BAHCC1: variants seen among roughly 807,000 people sequenced by gnomAD.
BAHCC1 encodes the protein BAH domain and coiled-coil containing 1.
In BAHCC1, 43 loss-of-function variants were observed where a neutral mutation model predicts 88.2. That is an observed-to-expected ratio of 0.49 (90% confidence interval 0.38 to 0.63). The LOEUF (loss-of-function observed/expected upper bound fraction) is 0.63. Ranked by LOEUF, BAHCC1 falls within the 20% of genes least tolerant of loss-of-function variation. BAHCC1 has a pLI of 0.00. For missense variants in BAHCC1, 3,023 were observed against 1,654.8 expected, an observed-to-expected ratio of 1.83 and a Z score of -14.34; for synonymous variants, 1,510 against 745.5, an observed-to-expected ratio of 2.03 and a Z score of -16.71.
rs966346823 is a variant in BAHCC1 at position 81,447,551 on chromosome 17, C to A, written c.3679C>A (p.Leu1227Met). 5 of 757,586 alleles carry A rather than the reference C, an allele frequency of 6.6e-6. No individual in the cohort carries two copies. The highest frequency in any genetic ancestry group is 1.2e-5 in the Non-Finnish European group (5 of 407,522). The allele number at this position is 757,586 out of a possible 1,614,324, so 46.9% of individuals were successfully genotyped here. A position where few individuals can be genotyped will look rare whatever the true frequency, so the allele number is the denominator to read the frequency against. The change falls in exon 11 of 28, where the codon CTG (leucine) becomes ATG (methionine). Residue 1227 changes from leucine to methionine, a missense_variant. Leu to Met is a conservative substitution (Grantham distance 15). Transcript: ENST00000675386. The stretch of plus-strand genomic sequence containing the variant: ...GCAGCCGGCCCCTGAGGAGGACGAG[C>A]TGGAGGAAGACGAGCTGGGGCAGCA... ...GEQPAPEEDE[L>M]EEDELGQQSM...
chr17:81,450,478 C>T (rs1190082120), intron 11 of BAHCC1, among the ~76,000 whole-genome samples: 2 of 152,194 alleles, frequency 1.3e-5, no homozygotes, highest in Non-Finnish European at 2.9e-5. Flanking sequence ...GCTGTTCCTG[C>T]GGTCACTGTG....
chr17:81,416,270 G>A (rs797032104), intron 2 of BAHCC1, among the ~76,000 whole-genome samples: 10 of 148,834 alleles, frequency 6.7e-5, no homozygotes, highest in South Asian at 2.1e-4. Flanking sequence ...GTGTCCATGA[G>A]GGTGGGTGTA....
At chr17:81,410,679 G>A (rs879947626) in intron 2 of BAHCC1, among the ~76,000 whole-genome samples, 3 of 152,172 alleles carry the variant, frequency 2.0e-5, no homozygotes, top group African/African-American at 2.4e-5. Flanking sequence ...GTGCTGGGGG[G>A]CCTTCGTGGC....
intron 6 of BAHCC1, 140 bp downstream of exon 6, chr17:81,444,057 A>T (rs1209244870): frequency 9.6e-6 from 6 of 627,942 alleles, no homozygotes; most frequent in Non-Finnish European, 1.7e-5. Flanking sequence ...GGTTCTCCCC[A>T]CCCCTAGAGC....
chr17:81,426,691 T>C (rs997037890), intron 2 of BAHCC1, 109 bp from the exon 3 acceptor site: 4 of 398,164 alleles, frequency 1.0e-5, no homozygotes, highest in African/African-American at 8.3e-5. Flanking sequence ...CTGGGGGAGA[T>C]TGGGGCCTGA....
Position 81,421,967 on chromosome 17 carries a change from C to T in BAHCC1, c.179-4833C>T, listed in dbSNP as rs374666102. 258 of 417,704 alleles carry T rather than the reference C, an allele frequency of 6.2e-4. 1 individual carries two copies. The highest frequency in any genetic ancestry group is 4.9e-3 in the African/African-American group (236 of 47,996). 25.9% of individuals were successfully genotyped at this position (417,704 alleles called of 1,614,324 possible). A position where few individuals can be genotyped will look rare whatever the true frequency, so the allele number is the denominator to read the frequency against. On this transcript the variant is annotated intron_variant, in intron 2 of 27. Transcript: ENST00000675386. The stretch of plus-strand genomic sequence containing the variant: ...CAGAAGTGGTCCCAGAACGCTCATG[C>T]GAGGGCCTCAGGGCCGGGGTCTCGG...
intron 15 of BAHCC1, 70 bp downstream of exon 15, chr17:81,455,460 CAG>C (rs2064731422): frequency 1.5e-6 from 1 of 689,084 alleles, no homozygotes; most frequent in Non-Finnish European, 2.7e-6. Context: ...TGGCAGGTAG[CAG>C]ACTCTCCCCA....
At chr17:81,432,449 C>G (rs913118597) in intron 3 of BAHCC1, among the ~76,000 whole-genome samples, 1 of 149,256 alleles carries the variant, frequency 6.7e-6, no homozygotes, top group African/African-American at 2.5e-5. Context: ...TTTTGGGGGT[C>G]GTGTGGTTGC....
At chr17:81,448,739 C>T (rs982313583) in intron 11 of BAHCC1, among the ~76,000 whole-genome samples, 14 of 152,316 alleles carry the variant, frequency 9.2e-5, no homozygotes, top group East Asian at 1.9e-4. Context: ...CTGGCCCGCA[C>T]GCGGCAGGGG....
chr17:81,420,585 C>G (rs970242759), intron 2 of BAHCC1, among the ~76,000 whole-genome samples: 3 of 152,258 alleles, frequency 2.0e-5, no homozygotes, highest in African/African-American at 7.2e-5. Flanking sequence ...TTGCTGTCTC[C>G]CGAAACCATT....
chr17:81,439,882 C>A (rs2064387542), intron 4 of BAHCC1, among the ~76,000 whole-genome samples: 1 of 152,148 alleles, frequency 6.6e-6, no homozygotes, highest in Non-Finnish European at 1.5e-5. Context: ...TCTGCCCACC[C>A]TCTCTTGGCT....
chr17:81,422,014 ATT>A (rs34098647), intron 2 of BAHCC1: 66 of 270,920 alleles, frequency 2.4e-4, no homozygotes, highest in Non-Finnish European at 3.6e-4. Flanking sequence ...TCCTCTCGTG[ATT>A]TTTTTTTTTC....
At position 81,443,481 on chromosome 17, in the gene BAHCC1, G is replaced by A. The variant is rs1555653340; in HGVS notation, c.2132G>A (p.Arg711Gln). The A allele has an allele frequency of 2.8e-6, 2 of 719,476 alleles. No individual in the cohort carries two copies. The highest frequency in any genetic ancestry group is 2.6e-5 in the East Asian group (1 of 37,806). The allele number at this position is 719,476 out of a possible 1,614,324, so 44.6% of individuals were successfully genotyped here. A position where few individuals can be genotyped will look rare whatever the true frequency, so the allele number is the denominator to read the frequency against. ...GTGGGCATTGCAGTGGCCTTGGCCC[G>A]GCAGAAGGACACAGTGAGCCGGTCT... The part of the protein sequence containing the change: ...PPVGIAVALA[R>Q]QKDTVSRSEA... Residue 711 changes from arginine to glutamine, a missense_variant, in exon 5 of 28, where the codon CGG becomes CAG. Physicochemically the swap from Arg to Gln is conservative, Grantham distance 43. Transcript: ENST00000675386.
At chr17:81,405,045 GTTTTGTTTTTGT>G (rs2063862130) in intron 2 of BAHCC1, among the ~76,000 whole-genome samples, 2 of 151,160 alleles carry the variant, frequency 1.3e-5, no homozygotes, top group Non-Finnish European at 1.5e-5. Context: ...CGTCTGGTGT[GTTTTGTTTTTGT>G]TTTTGTTTTG....
At chr17:81,419,567 G>C (rs916537182) in intron 2 of BAHCC1, among the ~76,000 whole-genome samples, 1 of 152,178 alleles carries the variant, frequency 6.6e-6, no homozygotes, top group East Asian at 1.9e-4. Flanking sequence ...TGTGGGGAGC[G>C]GGGAAGGTGT....
At chr17:81,397,862 T>A (rs2063762504) in intron 1 of BAHCC1, among the ~76,000 whole-genome samples, 1 of 152,210 alleles carries the variant, frequency 6.6e-6, no homozygotes, top group Non-Finnish European at 1.5e-5. Context: ...ACCCATTTAT[T>A]TACAATGCAA....
intron 3 of BAHCC1, among the ~76,000 whole-genome samples, chr17:81,432,594 T>TCCCTCCCATCGCCG (rs2064275934): frequency 3.8e-5 from 1 of 26,492 alleles, no homozygotes; most frequent in African/African-American, 2.7e-4. Flanking sequence ...CCTCCAGCCC[T>TCCCTCCCATCGCCG]GGACCCAACC....
At position 81,451,956 on chromosome 17, in the gene BAHCC1, TG is replaced by T. The variant is rs782199142; in HGVS notation, c.4180-14del. On this transcript the variant is annotated splice_polypyrimidine_tract_variant and intron_variant, in intron 12 of 27. Transcript: ENST00000675386. ...CCCTGGCCCGGCTCACAGGCCCCTG[TG>T]CCCCCCCCACCAGGTGTGCCCCCTG... 1.6e-6 allele frequency: 1 copy of T among 610,358 alleles called. No homozygotes were observed. Among genetic ancestry groups the T allele is most frequent in the Non-Finnish European group, 2.9e-6 (1 of 341,256 alleles). 37.8% of individuals were successfully genotyped at this position (610,358 alleles called of 1,614,324 possible).
chr17:81,425,477 T>TG (rs151309317), intron 2 of BAHCC1, among the ~76,000 whole-genome samples: 2 of 31,360 alleles, frequency 6.4e-5, no homozygotes, highest in Non-Finnish European at 1.1e-4. Flanking sequence ...ATGTGGTTGG[T>TG]GTGATGTGGT....
Sources: gnomAD v4.1 joint callset for allele counts (sites outside exome capture counted in the v4.1 genomes callset) on GRCh38, gnomAD v4.1.1 for gene constraint, MANE v1.5 for transcripts, NCBI Gene and HGNC (gene_info 2026-07-23, HGNC 2026-07-21) for gene names.